The following CDR2 variants were observed in gnomAD, a reference collection of about 807,000 sequenced individuals.
The protein encoded by CDR2 is cerebellar degeneration related protein 2, also known as cerebellar degeneration-related protein 2.
CDR2 carries 34 observed loss-of-function variants against 48.4 expected under a neutral mutation model. The observed-to-expected ratio is 0.70, with a 90% CI of 0.53 to 0.94. The LOEUF (loss-of-function observed/expected upper bound fraction) is 0.94, where lower values mean the gene tolerates loss of function less well. CDR2 is among the 40% of genes least tolerant of loss of function. CDR2 has a pLI of 0.00. For missense variants in CDR2, 498 were observed against 549.5 expected (o/e 0.91, Z 0.94); for synonymous variants, 240 against 219.7 (o/e 1.09, Z -0.82).
At chr16:22,371,839 G>C (rs796206119) in intron 1 of CDR2, among the ~76,000 whole-genome samples, 15 of 129,602 alleles carry the variant, frequency 1.2e-4, no homozygotes, top group African/African-American at 3.8e-4. Flanking sequence ...GCAGTAAAGA[G>C]GTTCAGATAT....
At chr16:22,371,088 G>T (rs1359598804) in intron 1 of CDR2, among the ~76,000 whole-genome samples, 2 of 152,084 alleles carry the variant, frequency 1.3e-5, no homozygotes, top group Non-Finnish European at 2.9e-5. Flanking sequence ...GCACGTGTCT[G>T]TAATCCCAGC....
chr16:22,350,137 C>T (rs932258340), intron 2 of CDR2, among the ~76,000 whole-genome samples: 7 of 151,570 alleles, frequency 4.6e-5, no homozygotes, highest in Admixed American at 2.0e-4. Flanking sequence ...TGCAATGAGC[C>T]GAGATGGCGC....
rs756495419 is a variant in CDR2, at chr16:22,347,178, A to T, written c.1152T>A (p.Ala384=). The T allele has an allele frequency of 1.9e-6, 3 of 1,614,122 alleles. No homozygotes were observed. The highest frequency in any genetic ancestry group is 2.5e-6 in the Non-Finnish European group (3 of 1,180,046). ...LSHKAVQTSR[A]AAKDLTGVNA... is the part of the protein sequence containing the mutation. ...TCACTCCAGTCAGGTCCTTGGCTGC[A>T]GCCCTGGAGGTCTGCACAGCCTTGT... Residue 384 remains alanine (A), a synonymous_variant, in exon 5 of 5, where the codon GCT becomes GCA. Transcript: ENST00000268383.
At chr16:22,371,848 A>ATGTATGTGTGTGTGTGTGTGTGTG (rs1188848345) in intron 1 of CDR2, among the ~76,000 whole-genome samples, 2 of 148,446 alleles carry the variant, frequency 1.3e-5, no homozygotes, top group African/African-American at 5.0e-5. Context: ...AGGTTCAGAT[A>ATGTATGTGTGTGTGTGTGTGTGTG]TGTGTGTGTG....
chr16:22,351,075 G>A (rs1177680715), intron 2 of CDR2, among the ~76,000 whole-genome samples: 3 of 152,098 alleles, frequency 2.0e-5, no homozygotes, highest in Non-Finnish European at 2.9e-5. Context: ...AAATGATCTC[G>A]TTGTTCAATT....
In CDR2 at chr16:22,347,776, TG is replaced by T. The variant is rs1479983814; in HGVS notation, c.553del (p.Gln185LysfsTer14). 1.2e-6 allele frequency: 2 copies of T among 1,613,814 alleles called. No homozygotes were observed. The highest frequency in any genetic ancestry group is 2.7e-5 in the African/African-American group (2 of 74,886). On this transcript the variant is annotated frameshift_variant, in exon 5 of 5. Coordinates refer to ENST00000268383, the MANE Select transcript of CDR2 (RefSeq NM_001802.2). LOFTEE classifies it high-confidence loss of function. The part of the protein sequence containing the change: ...HVFAEKITSL[Q>X]GQPSPDEEEN... Reference sequence around the variant, plus strand: ...CTCTTCATCAGGGCTTGGCTGACCTTGCAAGGAAGTGATCTTCTCAGCGAAC... The same window carrying T: ...CTCTTCATCAGGGCTTGGCTGACCTTCAAGGAAGTGATCTTCTCAGCGAAC...
In CDR2 at chr16:22,347,606, C is replaced by G; in HGVS notation, c.724G>C (p.Ala242Pro). Residue 242 changes from alanine (A) to proline (P), a missense_variant, in exon 5 of 5, where the codon GCC (alanine) becomes CCC (proline). Ala to Pro is a conservative substitution (Grantham distance 27). Transcript: ENST00000268383. ...ELEQQLGATGAYRARALELEA... is the reference protein window; with the variant it reads ...ELEQQLGATGPYRARALELEA... ...AGTTCCAGCGCCCGTGCTCGGTAGG[C>G]ACCTGTGGCCCCCAGCTGCTGCTCC... 1 of 1,614,182 alleles carries G rather than the reference C, an allele frequency of 6.2e-7. No individual in the cohort carries two copies. The highest frequency in any genetic ancestry group is 8.5e-7 in the Non-Finnish European group (1 of 1,180,038).
At chr16:22,366,193 C>G (rs539307659) in intron 1 of CDR2, among the ~76,000 whole-genome samples, 33 of 152,258 alleles carry the variant, frequency 2.2e-4, no homozygotes, top group Non-Finnish European at 4.1e-4. Flanking sequence ...GGAAGCCAGA[C>G]AAATGAGTAA....
intron 2 of CDR2, among the ~76,000 whole-genome samples, chr16:22,360,371 C>T (rs1408147300): frequency 4.6e-5 from 7 of 152,010 alleles, no homozygotes; most frequent in Non-Finnish European, 2.9e-5. Context: ...AATCTTTTTT[C>T]GTTTTCACAT....
chr16:22,357,585 T>C (rs1404482524), intron 2 of CDR2, among the ~76,000 whole-genome samples: 1 of 152,186 alleles, frequency 6.6e-6, no homozygotes, highest in Non-Finnish European at 1.5e-5. Context: ...ATGAATTCTC[T>C]CCCCGCTTTT....
intron 1 of CDR2, among the ~76,000 whole-genome samples, chr16:22,367,340 T>C (rs1286924482): frequency 1.3e-5 from 2 of 152,164 alleles, no homozygotes; most frequent in African/African-American, 4.8e-5. Flanking sequence ...GGGCCCAATT[T>C]AGAAAGGGAG....
intron 2 of CDR2, among the ~76,000 whole-genome samples, chr16:22,363,969 G>A (rs531201963): frequency 6.6e-6 from 1 of 152,136 alleles, no homozygotes; most frequent in South Asian, 2.1e-4. Context: ...ACAAGGTCTC[G>A]CTCCCATCAC....
chr16:22,356,019 T>C (rs2141846569), intron 2 of CDR2, among the ~76,000 whole-genome samples: 1 of 152,360 alleles, frequency 6.6e-6, no homozygotes. Context: ...GGTATTTTCA[T>C]ATTGCACTAT....
intron 1 of CDR2, among the ~76,000 whole-genome samples, chr16:22,366,733 C>T (rs1363238236): frequency 1.3e-5 from 2 of 152,052 alleles, no homozygotes; most frequent in African/African-American, 4.8e-5. Context: ...TTGGCCTTTA[C>T]TCCAAATGAA....
At chr16:22,371,081 C>A (rs1339765991) in intron 1 of CDR2, among the ~76,000 whole-genome samples, 1 of 151,936 alleles carries the variant, frequency 6.6e-6, no homozygotes, top group African/African-American at 2.4e-5. Flanking sequence ...TGTGGTGGCA[C>A]GTGTCTGTAA....
At chr16:22,352,123 G>A (rs748109836) in intron 2 of CDR2, among the ~76,000 whole-genome samples, 6 of 152,132 alleles carry the variant, frequency 3.9e-5, no homozygotes, top group Non-Finnish European at 7.4e-5. Flanking sequence ...GTGGTGGCAC[G>A]CGCCTGTAAT....
At chr16:22,349,940 G>T in intron 2 of CDR2, 91 bp from the exon 3 acceptor site, 1 of 1,246,318 alleles carries the variant, frequency 8.0e-7, no homozygotes, top group African/African-American at 1.5e-5. Context: ...TGTAATCCCA[G>T]CACTTTGGGA....
chr16:22,359,046 G>A lies in CDR2; in HGVS notation c.192+5856C>T, dbSNP rs2141848292. ...TTTCATCATTACACATTGTATGCTT[G>A]TATCAAAACGTCACAGGCGCCCCAG... On this transcript the variant is annotated intron_variant, in intron 2 of 4. Coordinates refer to ENST00000268383, the MANE Select transcript of CDR2 (RefSeq NM_001802.2). Among the ~76,000 whole-genome samples, 2 of 152,226 alleles carry A rather than the reference G, an allele frequency of 1.3e-5. 1 individual carries two copies. Among genetic ancestry groups the A allele is most frequent in the South Asian group, 4.1e-4 (2 of 4,832 alleles).
chr16:22,347,171 T>C lies in CDR2; in HGVS notation c.1159A>G (p.Lys387Glu). ...KAVQTSRAAA[K>E]DLTGVNAQSE... ...TGGGCGTTCACTCCAGTCAGGTCCT[T>C]GGCTGCAGCCCTGGAGGTCTGCACA... The change falls in exon 5 of 5, where the codon AAG becomes GAG. Residue 387 changes from lysine (K) to glutamate (E), a missense_variant. Physicochemically the swap from Lys to Glu is moderately conservative, Grantham distance 56. Coordinates refer to ENST00000268383, the MANE Select transcript of CDR2 (RefSeq NM_001802.2). 1 of 1,614,230 alleles carries C rather than the reference T, an allele frequency of 6.2e-7. No homozygotes were observed.
Sources: allele counts gnomAD v4.1 joint callset (sites outside exome capture counted in the v4.1 genomes callset), GRCh38; gene constraint gnomAD v4.1.1; transcripts MANE v1.5; gene names NCBI Gene and HGNC (gene_info 2026-07-23, HGNC 2026-07-21).